The following MPP7 variants were observed in gnomAD, a reference collection of about 807,000 sequenced individuals.
The protein encoded by MPP7 is MAGUK p55 scaffold protein 7.
A neutral mutation model predicts 76.5 loss-of-function variants in MPP7; 60 were observed. The ratio of observed to expected loss-of-function variants is 0.78; its 90% CI spans 0.64 to 0.97. The LOEUF is 0.97. Among genes scored for constraint, MPP7 ranks in the 50% least tolerant of loss-of-function variants. The pLI is 0.00. For synonymous variants in MPP7, 237 were observed against 244.5 expected (o/e 0.97, Z 0.29); for missense variants, 641 against 694.0 (o/e 0.92, Z 0.86).
At chr10:28,150,883 A>G (rs1835862675) in intron 3 of MPP7, among the ~76,000 whole-genome samples, 2 of 152,196 alleles carry the variant, frequency 1.3e-5, no homozygotes, top group Admixed American at 1.3e-4. Flanking sequence ...TTGAGAAACA[A>G]AAGACGTGTT....
At chr10:28,223,169 G>A (rs1838576427) in intron 2 of MPP7, among the ~76,000 whole-genome samples, 1 of 151,724 alleles carries the variant, frequency 6.6e-6, no homozygotes, top group Admixed American at 6.6e-5. Context: ...CTATTCAAAT[G>A]TATTAATATT....
intron 2 of MPP7, among the ~76,000 whole-genome samples, chr10:28,321,948 CG>C (rs1370350247): frequency 7.0e-6 from 1 of 143,366 alleles, no homozygotes; most frequent in African/African-American, 2.6e-5. Flanking sequence ...TTTTTGTAGA[CG>C]TGTGTGTGTG....
At chr10:28,084,621 T>C (rs1312021583) in intron 12 of MPP7, among the ~76,000 whole-genome samples, 4 of 152,050 alleles carry the variant, frequency 2.6e-5, no homozygotes, top group Non-Finnish European at 5.9e-5. Context: ...CTCTGTATAT[T>C]CTCCAAGACT....
At chr10:28,235,119 T>G (rs901521159) in intron 2 of MPP7, among the ~76,000 whole-genome samples, 1 of 152,112 alleles carries the variant, frequency 6.6e-6, no homozygotes, top group Non-Finnish European at 1.5e-5. Context: ...TCTAAAGTCT[T>G]AGAAATCATT....
At position 28,067,867 on chromosome 10, in the gene MPP7, T is replaced by C. The variant is rs78890873; in HGVS notation, c.1204+1905A>G. On this transcript the variant is annotated intron_variant, in intron 13 of 16. Transcript: ENST00000683449. Reference sequence around the variant, plus strand: ...AGGAGGAAGAACATGAGAACTGGTATCAAAAAAAACTTGGTTTCGAATCCA... The same window carrying C: ...AGGAGGAAGAACATGAGAACTGGTACCAAAAAAAACTTGGTTTCGAATCCA... 1.2e-3 allele frequency among the ~76,000 whole-genome samples: 187 copies of C among 152,204 alleles called. 1 individual carries two copies. The highest frequency in any genetic ancestry group is 4.2e-3 in the African/African-American group (175 of 41,550).
chr10:28,126,338 TA>T (rs1835017214), intron 6 of MPP7, among the ~76,000 whole-genome samples: 4 of 152,216 alleles, frequency 2.6e-5, no homozygotes, highest in African/African-American at 9.6e-5. Context: ...ATATTCTCAA[TA>T]TAACTAATTA....
At chr10:28,100,984 GA>G (rs1853799100) in intron 11 of MPP7, among the ~76,000 whole-genome samples, 2 of 152,030 alleles carry the variant, frequency 1.3e-5, no homozygotes, top group African/African-American at 4.8e-5. Context: ...AAAATTATGA[GA>G]AAATACAGTT....
At chr10:28,198,504 G>A (rs920604000) in intron 3 of MPP7, among the ~76,000 whole-genome samples, 1 of 151,586 alleles carries the variant, frequency 6.6e-6, no homozygotes, top group Admixed American at 6.6e-5. Context: ...GAACCTAGGA[G>A]GCAGAGGTTG....
intron 1 of MPP7, among the ~76,000 whole-genome samples, chr10:28,256,434 A>C (rs1448712436): frequency 6.6e-6 from 1 of 152,132 alleles, no homozygotes; most frequent in Non-Finnish European, 1.5e-5. Flanking sequence ...ACTTCTAAGA[A>C]TTTCACTGCA....
intron 8 of MPP7, among the ~76,000 whole-genome samples, chr10:28,123,588 C>G (rs1452256443): frequency 6.6e-6 from 1 of 151,330 alleles, no homozygotes; most frequent in African/African-American, 2.4e-5. Context: ...CCTGCCTCAG[C>G]CTCCCAAGTA....
At chr10:28,240,137 G>A (rs1458156878) in intron 1 of MPP7, among the ~76,000 whole-genome samples, 1 of 152,048 alleles carries the variant, frequency 6.6e-6, no homozygotes, top group African/African-American at 2.4e-5. Flanking sequence ...ACCATACACT[G>A]TGTTTTAAGT....
At chr10:28,297,867 G>A (rs572862393) in intron 1 of MPP7, among the ~76,000 whole-genome samples, 5 of 152,204 alleles carry the variant, frequency 3.3e-5, no homozygotes, top group East Asian at 3.9e-4. Context: ...ATTGTAAATC[G>A]TTCATTGTCA....
chr10:28,214,826 T>C (rs1838255543), intron 2 of MPP7, among the ~76,000 whole-genome samples: 1 of 152,176 alleles, frequency 6.6e-6, no homozygotes. Flanking sequence ...CACCTTGCAG[T>C]ACTAACAAAT....
intron 16 of MPP7, among the ~76,000 whole-genome samples, chr10:28,054,996 G>C (rs145557241): frequency 6.6e-6 from 1 of 152,022 alleles, no homozygotes; most frequent in African/African-American, 2.4e-5. Flanking sequence ...ACGTTCCTTC[G>C]ATGTCTCATT....
intron 2 of MPP7, among the ~76,000 whole-genome samples, chr10:28,324,774 C>T (rs1834396713): frequency 6.6e-6 from 1 of 152,212 alleles, no homozygotes; most frequent in Non-Finnish European, 1.5e-5. Context: ...GTATCCAGAA[C>T]TCTACCCACT....
chr10:28,077,239 C>T (rs1354459756), intron 12 of MPP7, among the ~76,000 whole-genome samples: 3 of 152,120 alleles, frequency 2.0e-5, no homozygotes, highest in African/African-American at 7.2e-5. Context: ...CTAACCCTTA[C>T]AAGCAAGCTC....
At chr10:28,184,810 ATAT>A (rs1837176119) in intron 3 of MPP7, among the ~76,000 whole-genome samples, 1 of 140,210 alleles carries the variant, frequency 7.1e-6, no homozygotes, top group African/African-American at 2.5e-5. Flanking sequence ...TTAATATTAC[ATAT>A]TAATATATTA....
chr10:28,260,194 T>C (rs967255596), intron 1 of MPP7, among the ~76,000 whole-genome samples: 1 of 152,192 alleles, frequency 6.6e-6, no homozygotes, highest in Non-Finnish European at 1.5e-5. Context: ...AGTCCATCCC[T>C]CTTTCTACTT....
intron 1 of MPP7, among the ~76,000 whole-genome samples, chr10:28,291,984 G>C (rs1001875372): frequency 3.2e-4 from 48 of 152,312 alleles, no homozygotes; most frequent in African/African-American, 1.1e-3. Context: ...GACTCACCCA[G>C]AGCAACTTCC....
Sources: gnomAD v4.1 joint callset for allele counts (sites outside exome capture counted in the v4.1 genomes callset) on GRCh38, gnomAD v4.1.1 for gene constraint, MANE v1.5 for transcripts, NCBI Gene and HGNC (gene_info 2026-07-23, HGNC 2026-07-21) for gene names.